GPR19: variants seen among roughly 807,000 people sequenced by gnomAD.
GPR19 encodes the protein G protein-coupled receptor 19.
A neutral mutation model predicts 28.5 loss-of-function variants in GPR19; 14 were observed. The observed-to-expected ratio is 0.49, with a 90% confidence interval of 0.32 to 0.77. GPR19 has a LOEUF of 0.77. Among genes scored for constraint, GPR19 ranks in the 30% least tolerant of loss-of-function variants. GPR19 has a pLI of 0.03. For missense variants in GPR19, 409 were observed against 504.1 expected (o/e 0.81, Z 1.81); for synonymous variants, 173 against 184.1 (o/e 0.94, Z 0.49).
At chr12:12,697,153 T>TAAAAAAAAAAAAAAAAAAAAAA (rs386375639), upstream of GPR19, among the ~76,000 whole-genome samples, 12 of 48,848 alleles carry the variant, frequency 2.5e-4, 4 homozygotes, top group Admixed American at 1.5e-3. Context: ...TGAAGCGAAG[T>TAAAAAAAAAAAAAAAAAAAAAA]AAAAAAAAAA....
intron 3 of GPR19, among the ~76,000 whole-genome samples, chr12:12,664,789 A>G (rs944888577): frequency 5.9e-5 from 9 of 151,938 alleles, no homozygotes; most frequent in East Asian, 3.9e-4. Flanking sequence ...GCGTGGTGGC[A>G]GGCGCCTGTG....
the GPR19 span, among the ~76,000 whole-genome samples, chr12:12,704,944 A>G: frequency 1.1e-4 from 16 of 152,288 alleles, no homozygotes; most frequent in African/African-American, 3.4e-4. Flanking sequence ...AGGTCAAACA[A>G]TCTTATCCTG....
chr12:12,709,485 A>G, the GPR19 span, among the ~76,000 whole-genome samples: 1 of 152,134 alleles, frequency 6.6e-6, no homozygotes, highest in African/African-American at 2.4e-5. Flanking sequence ...CTGTTGCCCA[A>G]GCTGGAGTGC....
At chr12:12,713,057 CTTTTTTTTTT>C in the GPR19 span, among the ~76,000 whole-genome samples, 2 of 108,088 alleles carry the variant, frequency 1.9e-5, no homozygotes, top group African/African-American at 3.5e-5. Flanking sequence ...ATCTGATGCG[CTTTTTTTTTT>C]TTTTTTTTTT....
chr12:12,679,765 C>T (rs1945990869), intron 3 of GPR19, among the ~76,000 whole-genome samples: 1 of 152,086 alleles, frequency 6.6e-6, no homozygotes, highest in African/African-American at 2.4e-5. Flanking sequence ...GTTGAGAAAG[C>T]CTGCTCTAGA....
the GPR19 span, chr12:12,717,206 C>T: frequency 1.9e-6 from 2 of 1,049,066 alleles, no homozygotes; most frequent in African/African-American, 1.7e-5. Context: ...AATCTCCCGG[C>T]GGCGCTCGGG....
At chr12:12,681,276 A>G (rs1946016111) in intron 3 of GPR19, among the ~76,000 whole-genome samples, 1 of 152,168 alleles carries the variant, frequency 6.6e-6, no homozygotes, top group South Asian at 2.1e-4. Context: ...CTCATTTGGC[A>G]GGGTTTACTT....
the GPR19 span, chr12:12,716,733 T>C: frequency 1.0e-6 from 1 of 985,248 alleles, no homozygotes; most frequent in East Asian, 1.1e-4. Flanking sequence ...CTTTGGCTTC[T>C]TCCCTAGGCC....
chr12:12,709,508 A>G, the GPR19 span, among the ~76,000 whole-genome samples: 14 of 152,160 alleles, frequency 9.2e-5, no homozygotes. Flanking sequence ...TGGCATGAAC[A>G]GGGCTCACTG....
chr12:12,665,762 G>C (rs1314537412), intron 3 of GPR19, among the ~76,000 whole-genome samples: 1 of 131,636 alleles, frequency 7.6e-6, no homozygotes, highest in African/African-American at 2.8e-5. Context: ...GCGTGAACCC[G>C]GGAGGCGGAG....
At chr12:12,709,122 G>A in the GPR19 span, among the ~76,000 whole-genome samples, 1 of 152,024 alleles carries the variant, frequency 6.6e-6, no homozygotes, top group Non-Finnish European at 1.5e-5. Flanking sequence ...CTCATAACAA[G>A]CTAGCTTGGA....
chr12:12,681,841 A>G lies in GPR19; in HGVS notation c.-23+2510T>C, dbSNP rs74411321. Reference sequence around the variant, plus strand: ...TACTATCTTGCTAACTTGAATTTAAATCCTGACCAAGCTTTCAAAATGCCC... The same window carrying G: ...TACTATCTTGCTAACTTGAATTTAAGTCCTGACCAAGCTTTCAAAATGCCC... On this transcript the variant is annotated intron_variant, in intron 3 of 3. Transcript: ENST00000651487. Among the ~76,000 whole-genome samples the G allele has an allele frequency of 5.0e-3, 764 of 152,338 alleles. 6 individuals carry two copies. The highest frequency in any genetic ancestry group is 0.018 in the African/African-American group (735 of 41,560).
chr12:12,670,079 C>G lies in GPR19; in HGVS notation c.-22-7609G>C, dbSNP rs193186723. On this transcript the variant is annotated intron_variant, in intron 3 of 3. Transcript: ENST00000651487. ...AGGTGATTTATAAAACTACATAAGG[C>G]TAGGTAGCCACCAGCATGACTGTGT... Among the ~76,000 whole-genome samples the G allele has an allele frequency of 2.0e-5, 3 of 152,276 alleles. No individual in the cohort carries two copies. In the East Asian group the frequency reaches 5.8e-4, roughly 29 times the overall value.
chr12:12,686,639 C>G (rs1241110297), intron 2 of GPR19, among the ~76,000 whole-genome samples: 1 of 152,082 alleles, frequency 6.6e-6, no homozygotes, highest in East Asian at 1.9e-4. Context: ...AGTAATGTGC[C>G]CAAAGCTGCA....
At chr12:12,672,348 T>G (rs1945865234) in intron 3 of GPR19, among the ~76,000 whole-genome samples, 1 of 152,178 alleles carries the variant, frequency 6.6e-6, no homozygotes. Flanking sequence ...TAGAGTTCCG[T>G]GTATACAGGA....
At chr12:12,664,951 T>G (rs1288279815) in intron 3 of GPR19, among the ~76,000 whole-genome samples, 1 of 101,686 alleles carries the variant, frequency 9.8e-6, no homozygotes, top group Non-Finnish European at 2.0e-5. Flanking sequence ...AAAAAAGAAA[T>G]CAGGACATAA....
chr12:12,712,560 A>G, the GPR19 span, among the ~76,000 whole-genome samples: 1 of 152,164 alleles, frequency 6.6e-6, no homozygotes, highest in East Asian at 1.9e-4. Flanking sequence ...TCATCTTGAC[A>G]TTTTCTTATT....
chr12:12,707,124 A>G, the GPR19 span, among the ~76,000 whole-genome samples: 6 of 152,136 alleles, frequency 3.9e-5, no homozygotes, highest in Non-Finnish European at 8.8e-5. Context: ...ATTGTCCCTC[A>G]ACTATCCCAG....
At chr12:12,697,953 GAA>G (rs959450902), upstream of GPR19, among the ~76,000 whole-genome samples, 1 of 148,872 alleles carries the variant, frequency 6.7e-6, no homozygotes, top group South Asian at 2.1e-4. Flanking sequence ...TCATCATGAA[GAA>G]AAAAAAAATG....
Sources: allele counts gnomAD v4.1 joint callset (sites outside exome capture counted in the v4.1 genomes callset), GRCh38; gene constraint gnomAD v4.1.1; transcripts MANE v1.5; gene names NCBI Gene and HGNC (gene_info 2026-07-23, HGNC 2026-07-21).